RHOXF1: variants seen among roughly 807,000 people sequenced by gnomAD.
RHOXF1 encodes PEPP subfamily gene 1.
RHOXF1 carries 1 observed loss-of-function variant against 9.7 expected under a neutral mutation model. The ratio of observed to expected loss-of-function variants is 0.10; its 90% CI spans 0.04 to 0.49. RHOXF1 has a LOEUF of 0.49. Ranked by LOEUF, RHOXF1 falls within the 20% of genes least tolerant of loss-of-function variation. The probability of loss-of-function intolerance (pLI) is 0.95; values close to 1 mark genes in which losing one functional copy is unlikely to be tolerated. For synonymous variants in RHOXF1, 72 were observed against 70.2 expected (o/e 1.03, Z -0.13); for missense variants, 179 against 168.0 (o/e 1.07, Z -0.36).
At chrX:120,113,934 A>C (rs781823606) in intron 1 of RHOXF1, among the ~76,000 whole-genome samples, 59 of 108,363 alleles carry the variant, frequency 5.4e-4, no homozygotes, top group African/African-American at 1.5e-3. Flanking sequence ...TCTACACACA[A>C]AAAAAATACA....
intron 2 of RHOXF1, among the ~76,000 whole-genome samples, chrX:120,112,452 C>CATATATGTATTATATATAATACATAT (rs1275974751): frequency 4.4e-5 from 2 of 45,292 alleles, no homozygotes; most frequent in African/African-American, 1.6e-4. Context: ...ATATAATACA[C>CATATATGTATTATATATAATACATAT]ATATGTATAA....
upstream of RHOXF1, chrX:120,115,939 C>T: frequency 3.1e-6 from 3 of 953,728 alleles, no homozygotes; most frequent in Non-Finnish European, 2.8e-6. Context: ...GAGCTAGTTC[C>T]TGTTCTCATG....
intron 2 of RHOXF1, among the ~76,000 whole-genome samples, chrX:120,111,395 C>T (rs377412523): frequency 1.8e-5 from 2 of 111,671 alleles, no homozygotes; most frequent in East Asian, 5.6e-4. Flanking sequence ...ACTACCAGAT[C>T]GGCAGTGCAT....
chrX:120,117,116 G>C (rs1208956543), upstream of RHOXF1, among the ~76,000 whole-genome samples: 1 of 110,661 alleles, frequency 9.0e-6, no homozygotes, highest in Admixed American at 9.6e-5. Context: ...GAAGAGCCTG[G>C]TGCAGTGGCT....
upstream of RHOXF1, among the ~76,000 whole-genome samples, chrX:120,116,727 G>C (rs187507169): frequency 1.8e-4 from 20 of 110,931 alleles, no homozygotes; most frequent in Admixed American, 4.8e-4. Context: ...TGGGCATGCA[G>C]AGCATTCTGG....
In RHOXF1 at chrX:120,115,696, T is replaced by C; in HGVS notation, c.167A>G (p.His56Arg). The change falls in exon 1 of 3, where the codon CAC (histidine) becomes CGC (arginine). Residue 56 changes from histidine (H) to arginine (R), a missense_variant. His to Arg is a conservative substitution (Grantham distance 29). Coordinates refer to ENST00000217999, the MANE Select transcript of RHOXF1 (RefSeq NM_139282.3). ...GCCATCGCGGTTCATGCCGTTCTCG[T>C]GGTTCACACCGCCCTCAGGGTTCAT... ...GNMNPEGGVN[H>R]ENGMNRDGGM... 1 of 1,207,733 alleles carries C rather than the reference T, an allele frequency of 8.3e-7. No homozygotes were observed. Among genetic ancestry groups the C allele is most frequent in the Non-Finnish European group, 1.1e-6 (1 of 894,176 alleles).
intron 2 of RHOXF1, among the ~76,000 whole-genome samples, chrX:120,111,107 G>A (rs2057263076): frequency 8.9e-6 from 1 of 112,272 alleles, no homozygotes; most frequent in African/African-American, 3.2e-5. Context: ...GGAGATACAT[G>A]AGAGCATTCT....
chrX:120,114,476 A>G (rs188646589), intron 1 of RHOXF1, among the ~76,000 whole-genome samples: 16 of 111,992 alleles, frequency 1.4e-4, no homozygotes, highest in Middle Eastern at 4.6e-3. Context: ...GATGCAATGA[A>G]CAGAGTAAAA....
upstream of RHOXF1, among the ~76,000 whole-genome samples, chrX:120,119,021 A>G (rs1468032143): frequency 8.9e-6 from 1 of 111,859 alleles, no homozygotes; most frequent in Non-Finnish European, 1.9e-5. Flanking sequence ...ATATAGGTAC[A>G]TAGAAACATG....
chrX:120,118,654 C>T (rs1556000954), upstream of RHOXF1, among the ~76,000 whole-genome samples: 1 of 111,396 alleles, frequency 9.0e-6, no homozygotes, highest in African/African-American at 3.3e-5. Flanking sequence ...AAGATAATCT[C>T]TATCATCTTA....
At chrX:120,109,571 A>ATTATTTATTTATTTAT (rs781846625) in intron 2 of RHOXF1, among the ~76,000 whole-genome samples, 13 of 107,243 alleles carry the variant, frequency 1.2e-4, no homozygotes, top group African/African-American at 4.1e-4. Context: ...TTATTTATTT[A>ATTATTTATTTATTTAT]TTATTTATTT....
At chrX:120,113,417 G>A (rs782167617) in intron 1 of RHOXF1, among the ~76,000 whole-genome samples, 5 of 109,741 alleles carry the variant, frequency 4.6e-5, no homozygotes, top group East Asian at 2.9e-4. Context: ...ATGAACCACC[G>A]CACCCGGCCA....
chrX:120,115,658 CG>C lies in RHOXF1; in HGVS notation c.204del (p.Glu69ArgfsTer72). The C allele has an allele frequency of 8.4e-7, 1 of 1,195,435 alleles. No homozygotes were observed. On this transcript the variant is annotated frameshift_variant, in exon 1 of 3. Transcript: ENST00000217999. LOFTEE classifies it high-confidence loss of function. ...NGMNRDGGMI[P>X]EGGGGNQEPR... ...GGCTCCTGGTTTCCACCGCCGCCCTCGGGGATCATGCCGCCATCGCGGTTCA... is the reference window on the plus strand; with the variant it reads ...GGCTCCTGGTTTCCACCGCCGCCCTCGGGATCATGCCGCCATCGCGGTTCA...
chrX:120,118,837 C>A (rs2057306496), upstream of RHOXF1, among the ~76,000 whole-genome samples: 3 of 111,446 alleles, frequency 2.7e-5, no homozygotes, highest in Admixed American at 2.9e-4. Flanking sequence ...AGAGTAGGTA[C>A]TTAATACATG....
chrX:120,113,832 C>G (rs2057281523), intron 1 of RHOXF1, among the ~76,000 whole-genome samples: 1 of 108,250 alleles, frequency 9.2e-6, no homozygotes. Context: ...TGGCTCAGGC[C>G]TGTAATCCCA....
At chrX:120,112,735 T>G in intron 2 of RHOXF1, 134 bp downstream of exon 2, 2 of 413,470 alleles carry the variant, frequency 4.8e-6, no homozygotes, top group Non-Finnish European at 8.3e-6. Context: ...CAAAACTTAT[T>G]TGTCAACATA....
upstream of RHOXF1, chrX:120,116,425 A>G (rs1322668738): frequency 1.8e-5 from 2 of 109,897 alleles, no homozygotes; most frequent in African/African-American, 6.6e-5. Flanking sequence ...ATGGGGCCCC[A>G]GCTTGCAGCT....
At chrX:120,116,165 C>T (rs186140640), upstream of RHOXF1, among the ~76,000 whole-genome samples, 2,059 of 20,407 alleles carry the variant, frequency 0.1, 234 homozygotes, top group South Asian at 0.41. Flanking sequence ...GTGGGGGTTG[C>T]GGGTGAGGGT....
At chrX:120,120,262 A>G, upstream of RHOXF1, among the ~76,000 whole-genome samples, 1 of 112,069 alleles carries the variant, frequency 8.9e-6, no homozygotes, top group Middle Eastern at 4.6e-3. Flanking sequence ...GGCAGGGAAA[A>G]GGTGGAAACT....
Sources: gnomAD v4.1 joint callset for allele counts (sites outside exome capture counted in the v4.1 genomes callset) on GRCh38, gnomAD v4.1.1 for gene constraint, MANE v1.5 for transcripts, NCBI Gene and HGNC (gene_info 2026-07-23, HGNC 2026-07-21) for gene names.